Variants in RP1 observed in about 807,000 individuals in gnomAD.
RP1 encodes RP1 axonemal microtubule associated.
A neutral mutation model predicts 14.8 loss-of-function variants in RP1; 16 were observed. The ratio of observed to expected loss-of-function variants is 1.08; its 90% CI spans 0.73 to 1.65. The LOEUF (loss-of-function observed/expected upper bound fraction) is 1.65. RP1 is among the 40% of genes most tolerant of loss of function. RP1 has a pLI of 0.00. For missense variants in RP1, 2,631 were observed against 2,535.0 expected (o/e 1.04, Z -0.81); for synonymous variants, 876 against 883.6 (o/e 0.99, Z 0.15).
intron 24 of RP1, among the ~76,000 whole-genome samples, chr8:54,829,880 G>T (rs977811803): frequency 2.6e-5 from 4 of 151,992 alleles, no homozygotes; most frequent in African/African-American, 9.7e-5. Context: ...TTCTGGGGAG[G>T]GGGAAAGGAC....
intron 16 of RP1, among the ~76,000 whole-genome samples, chr8:54,724,837 G>A (rs1808617001): frequency 6.6e-6 from 1 of 152,186 alleles, no homozygotes; most frequent in African/African-American, 2.4e-5. Flanking sequence ...TTTTTGAGAA[G>A]TGGAGGTAGA....
At chr8:54,855,018 C>T (rs2129409398) in intron 26 of RP1, among the ~76,000 whole-genome samples, 1 of 152,272 alleles carries the variant, frequency 6.6e-6, no homozygotes, top group South Asian at 2.1e-4. Flanking sequence ...CTCCAGAACT[C>T]TTTTCATTTT....
At chr8:54,790,510 G>A (rs183285616) in intron 24 of RP1, among the ~76,000 whole-genome samples, 3 of 149,768 alleles carry the variant, frequency 2.0e-5, no homozygotes, top group Non-Finnish European at 3.0e-5. Flanking sequence ...GGAGATCTAC[G>A]AACTGTTTGA....
intron 8 of RP1, among the ~76,000 whole-genome samples, chr8:54,676,073 A>G (rs1198399624): frequency 2.6e-5 from 4 of 152,040 alleles, no homozygotes; most frequent in Non-Finnish European, 5.9e-5. Context: ...AGCCCTCATG[A>G]CTTAATCACA....
At chr8:54,681,483 TG>T (rs1463659914) in intron 12 of RP1, among the ~76,000 whole-genome samples, 3 of 23,708 alleles carry the variant, frequency 1.3e-4, no homozygotes, top group South Asian at 1.7e-3. Context: ...TTTTTTGATT[TG>T]TGTGTGTGTG....
intron 1 of RP1, among the ~76,000 whole-genome samples, chr8:54,618,251 A>G (rs566761445): frequency 6.6e-6 from 1 of 152,274 alleles, no homozygotes; most frequent in African/African-American, 2.4e-5. Flanking sequence ...CTCAAAACCA[A>G]TGCTCAGGGC....
chr8:54,659,966 T>C (rs1806849296), intron 6 of RP1, among the ~76,000 whole-genome samples: 1 of 152,188 alleles, frequency 6.6e-6, no homozygotes, highest in Admixed American at 6.5e-5. Flanking sequence ...TTTATTGTTT[T>C]TGGTGCTATT....
intron 3 of RP1, among the ~76,000 whole-genome samples, chr8:54,637,150 C>T (rs1158859116): frequency 3.9e-5 from 6 of 152,168 alleles, no homozygotes; most frequent in Non-Finnish European, 8.8e-5. Flanking sequence ...CTGCTAGGAA[C>T]TTGTGGACCT....
chr8:54,610,044 C>A (rs774741968), intron 1 of RP1, among the ~76,000 whole-genome samples: 1 of 152,136 alleles, frequency 6.6e-6, no homozygotes, highest in Non-Finnish European at 1.5e-5. Context: ...ACTCCAATCC[C>A]TCTCCTTCTA....
At chr8:54,866,155 T>C (rs1563400784) in intron 28 of RP1, among the ~76,000 whole-genome samples, 1 of 152,138 alleles carries the variant, frequency 6.6e-6, no homozygotes, top group African/African-American at 2.4e-5. Context: ...TGGAAAGAAA[T>C]TGGATTAGGA....
intron 18 of RP1, among the ~76,000 whole-genome samples, chr8:54,736,571 A>G (rs1378115418): frequency 6.6e-6 from 1 of 152,182 alleles, no homozygotes; most frequent in African/African-American, 2.4e-5. Flanking sequence ...ATGACAGATT[A>G]CAGGCACCAA....
chr8:54,761,182 T>G (rs1324783283), intron 22 of RP1, among the ~76,000 whole-genome samples: 2 of 151,998 alleles, frequency 1.3e-5, no homozygotes, highest in Admixed American at 1.3e-4. Flanking sequence ...CCACTGTCCA[T>G]GTCTACACAT....
At chr8:54,623,152 T>C (rs151047277) in intron 3 of RP1, among the ~76,000 whole-genome samples, 1 of 152,228 alleles carries the variant, frequency 6.6e-6, no homozygotes, top group East Asian at 1.9e-4. Context: ...TAGATAATTA[T>C]TAATGCTTCT....
At chr8:54,721,324 G>A (rs1808532175) in intron 16 of RP1, among the ~76,000 whole-genome samples, 1 of 152,180 alleles carries the variant, frequency 6.6e-6, no homozygotes, top group African/African-American at 2.4e-5. Flanking sequence ...TTGACACAGT[G>A]AGTATGCCAT....
intron 24 of RP1, among the ~76,000 whole-genome samples, chr8:54,823,776 T>G (rs1811315616): frequency 1.3e-5 from 2 of 152,336 alleles, no homozygotes; most frequent in South Asian, 4.1e-4. Context: ...TGTATGAGAC[T>G]TTGTGAGGAC....
rs576004169 is a variant in RP1 at position 54,725,609 on chromosome 8, G to A, written c.2390-736G>A. Among the ~76,000 whole-genome samples the A allele has an allele frequency of 3.3e-5, 5 of 152,276 alleles. No individual in the cohort carries two copies. The South Asian group carries it at 1.0e-3, about 32-fold the overall frequency. ...TCGTTGACTGCAATTGTGGTATTAA[G>A]AAGTAGTTGTTCTTACTCTTTATCT... On this transcript the variant is annotated intron_variant, in intron 16 of 22. Coordinates refer to the RP1 transcript ENST00000636932.
At chr8:54,855,221 A>G (rs1198631119) in intron 26 of RP1, among the ~76,000 whole-genome samples, 2 of 152,220 alleles carry the variant, frequency 1.3e-5, no homozygotes, top group Non-Finnish European at 2.9e-5. Context: ...TGCATGTTGT[A>G]GCATGTGACA....
At chr8:54,562,414 G>A (rs958762315) in intron 1 of RP1, among the ~76,000 whole-genome samples, 4 of 152,208 alleles carry the variant, frequency 2.6e-5, no homozygotes, top group East Asian at 1.9e-4. Flanking sequence ...TAGGCTGGGT[G>A]TGGTGGCTCA....
chr8:54,602,264 C>T (rs1214662756), intron 1 of RP1, among the ~76,000 whole-genome samples: 2 of 152,140 alleles, frequency 1.3e-5, no homozygotes, highest in Non-Finnish European at 2.9e-5. Flanking sequence ...TCAATTACCA[C>T]CTATGAGTGA....
Sources: gnomAD v4.1 joint callset for allele counts (sites outside exome capture counted in the v4.1 genomes callset) on GRCh38, gnomAD v4.1.1 for gene constraint, MANE v1.5 for transcripts, NCBI Gene and HGNC (gene_info 2026-07-23, HGNC 2026-07-21) for gene names.